GIMD1: variants seen among roughly 807,000 people sequenced by gnomAD.
GIMD1 encodes GIMAP family P-loop NTPase domain containing 1, also known as GTPase IMAP family member GIMD1.
In GIMD1, 14 loss-of-function variants were observed where a neutral mutation model predicts 14.9. The observed-to-expected ratio is 0.94, with a 90% CI of 0.62 to 1.47. GIMD1 has a LOEUF of 1.47. GIMD1 is among the 40% of genes most tolerant of loss of function. GIMD1 has a pLI of 0.00. For missense variants in GIMD1, 272 were observed against 255.3 expected (o/e 1.07, Z -0.44); for synonymous variants, 91 against 90.5 (o/e 1.01, Z -0.03).
chr4:106,358,957 C>A (rs1770575615), intron 2 of GIMD1, among the ~76,000 whole-genome samples: 1 of 151,914 alleles, frequency 6.6e-6, no homozygotes, highest in South Asian at 2.1e-4. Context: ...GATAAAAATA[C>A]ATTTGGTGAT....
intron 2 of GIMD1, among the ~76,000 whole-genome samples, chr4:106,363,565 T>A (rs1770646411): frequency 6.6e-6 from 1 of 152,144 alleles, no homozygotes; most frequent in Non-Finnish European, 1.5e-5. Context: ...CTGAGCATGA[T>A]GTATTTATTA....
At chr4:106,365,082 G>A (rs551739308) in intron 2 of GIMD1, among the ~76,000 whole-genome samples, 6 of 152,082 alleles carry the variant, frequency 3.9e-5, no homozygotes, top group Non-Finnish European at 8.8e-5. Context: ...TCATCTAAAT[G>A]TTTACTTAAT....
chr4:106,365,546 C>T (rs1770684999), intron 2 of GIMD1, among the ~76,000 whole-genome samples: 1 of 152,038 alleles, frequency 6.6e-6, no homozygotes, highest in Admixed American at 6.6e-5. Flanking sequence ...TCAGTATGAG[C>T]TGAGACTGAA....
At position 106,358,048 on chromosome 4, in the gene GIMD1, A is replaced by G. The variant is rs1770557847; in HGVS notation, c.*135T>C. 2 of 576,836 alleles carry G rather than the reference A, an allele frequency of 3.5e-6. No homozygotes were observed. Among genetic ancestry groups the G allele is most frequent in the Admixed American group, 7.4e-5 (2 of 27,174 alleles). The allele number at this position is 576,836 out of a possible 1,614,324, so 35.7% of individuals were successfully genotyped here. A position where few individuals can be genotyped will look rare whatever the true frequency, so the allele number is the denominator to read the frequency against. On this transcript the variant is annotated 3_prime_UTR_variant, in exon 3 of 3. Transcript: ENST00000638719. ...TTCTTTTTAACTTCTAGTTTTCCAA[A>G]GTGGTTATACCAATGTACACTCTCA... is the stretch of plus-strand genomic sequence containing the variant.
chr4:106,360,453 T>C (rs954837797), intron 2 of GIMD1, among the ~76,000 whole-genome samples: 1 of 152,064 alleles, frequency 6.6e-6, no homozygotes, highest in Non-Finnish European at 1.5e-5. Context: ...ATAGCAAAAT[T>C]AGCAGACCTC....
intron 1 of GIMD1, among the ~76,000 whole-genome samples, chr4:106,367,878 G>T (rs1579659480): frequency 6.6e-6 from 1 of 152,100 alleles, no homozygotes. Context: ...AACAGTAGAA[G>T]AAACAACCCT....
At position 106,357,694 on chromosome 4, in the gene GIMD1, C is replaced by T. The variant is rs1770551100; in HGVS notation, c.*489G>A. 6.6e-6 allele frequency: 1 copy of T among 152,530 alleles called. No homozygotes were observed. Among genetic ancestry groups the T allele is most frequent in the African/African-American group, 2.4e-5 (1 of 41,418 alleles). The allele number at this position is 152,530 out of a possible 1,614,324, so 9.4% of individuals were successfully genotyped here. A position where few individuals can be genotyped will look rare whatever the true frequency, so the allele number is the denominator to read the frequency against. ...TTTTTGAACTTTCTGCACATGGAATCATGGAGTATGTACTCTTTTATGTCT... is the reference window on the plus strand; with the variant it reads ...TTTTTGAACTTTCTGCACATGGAATTATGGAGTATGTACTCTTTTATGTCT... On this transcript the variant is annotated 3_prime_UTR_variant, in exon 3 of 3. Transcript: ENST00000638719.
At chr4:106,364,570 TTAAGTGAC>T (rs770080682) in intron 2 of GIMD1, among the ~76,000 whole-genome samples, 1 of 152,162 alleles carries the variant, frequency 6.6e-6, no homozygotes, top group Non-Finnish European at 1.5e-5. Context: ...CAGCCTGTGC[TTAAGTGAC>T]CATCAACCAA....
chr4:106,362,586 G>C (rs144692195), intron 2 of GIMD1, among the ~76,000 whole-genome samples: 45 of 151,944 alleles, frequency 3.0e-4, no homozygotes, highest in African/African-American at 1.1e-3. Flanking sequence ...ATTTTCCCAG[G>C]ACCTCACCAG....
chr4:106,360,477 G>A (rs1770596170), intron 2 of GIMD1, among the ~76,000 whole-genome samples: 1 of 151,986 alleles, frequency 6.6e-6, no homozygotes, highest in Admixed American at 6.6e-5. Context: ...AGAGTTTGTT[G>A]TATATTCTGT....
In GIMD1 at chr4:106,358,404, G is replaced by T. The variant is rs1770566105; in HGVS notation, c.433C>A (p.Leu145Ile). Reference sequence around the variant, plus strand: ...TCTATTTTTTCTGCATGGGTAAAAAGAATGGCTGTGTAATTCATCCAAGCA... The same window carrying T: ...TCTATTTTTTCTGCATGGGTAAAAATAATGGCTGTGTAATTCATCCAAGCA... The part of the protein sequence containing the change: ...GHAWMNYTAI[L>I]FTHAEKIEEA... The change falls in exon 3 of 3, where the codon CTT becomes ATT. Residue 145 changes from leucine (L) to isoleucine (I), a missense_variant. Transcript: ENST00000638719. 6.6e-7 allele frequency: 1 copy of T among 1,525,438 alleles called. No individual in the cohort carries two copies. The highest frequency in any genetic ancestry group is 2.5e-5 in the East Asian group (1 of 40,796). The allele number at this position is 1,525,438 out of a possible 1,614,324, so 94.5% of individuals were successfully genotyped here.
chr4:106,367,548 C>T, intron 1 of GIMD1, 111 bp from the exon 2 acceptor site: 1 of 1,057,380 alleles, frequency 9.5e-7, no homozygotes, highest in South Asian at 1.7e-5. Flanking sequence ...ATTTGTTTTC[C>T]CTTCATTCGT....
Position 106,367,333 on chromosome 4 carries a change from G to C in GIMD1, c.103C>G (p.His35Asp). The C allele has an allele frequency of 6.5e-7, 1 of 1,536,018 alleles. No individual in the cohort carries two copies. Among genetic ancestry groups the C allele is most frequent in the Non-Finnish European group, 8.7e-7 (1 of 1,146,858 alleles). The change falls in exon 2 of 3, where the codon CAC becomes GAC. Residue 35 changes from histidine to aspartate, a missense_variant. By Grantham distance (81) the His-to-Asp change is moderately conservative. Coordinates refer to ENST00000638719, the MANE Select transcript of GIMD1 (RefSeq NM_001195138.2). ...ACAGAACAGGGAGCAAAGCTGCTGT[G>C]AAAGTCTGTGCTTCCCAGCAGAATG... ...GNILLGSTDF[H>D]SSFAPCSVTT...
Position 106,357,712 on chromosome 4 carries a change from T to A in GIMD1, c.*471A>T, listed in dbSNP as rs1561038993. The A allele has an allele frequency of 6.5e-6, 1 of 153,826 alleles. No homozygotes were observed. The highest frequency in any genetic ancestry group is 1.4e-5 in the Non-Finnish European group (1 of 69,152). The allele number at this position is 153,826 out of a possible 1,614,324, so 9.5% of individuals were successfully genotyped here. On this transcript the variant is annotated 3_prime_UTR_variant, in exon 3 of 3. Coordinates refer to ENST00000638719, the MANE Select transcript of GIMD1 (RefSeq NM_001195138.2). ...ATGGAATCATGGAGTATGTACTCTT[T>A]TATGTCTGGCTTATTTTTCAACATT...
intron 1 of GIMD1, 106 bp from the exon 2 acceptor site, chr4:106,367,543 T>A: frequency 1.8e-6 from 2 of 1,109,186 alleles, no homozygotes; most frequent in Non-Finnish European, 2.5e-6. Flanking sequence ...TTTAGATTTG[T>A]TTTCCCTTCA....
Position 106,358,146 on chromosome 4 carries a change from C to A in GIMD1, c.*37G>T. On this transcript the variant is annotated 3_prime_UTR_variant, in exon 3 of 3. Transcript: ENST00000638719. ...GCATTCTTTGTAGCTAGGTTTCTGACTCCAATACCCAATGCTCCTTTCCTT... is the reference window on the plus strand; with the variant it reads ...GCATTCTTTGTAGCTAGGTTTCTGAATCCAATACCCAATGCTCCTTTCCTT... The A allele has an allele frequency of 1.4e-6, 2 of 1,387,168 alleles. No individual in the cohort carries two copies. Among genetic ancestry groups the A allele is most frequent in the South Asian group, 1.5e-5 (1 of 65,232 alleles). 85.9% of individuals were successfully genotyped at this position (1,387,168 alleles called of 1,614,324 possible). A position where few individuals can be genotyped will look rare whatever the true frequency, so the allele number is the denominator to read the frequency against.
chr4:106,367,231 G>T lies in GIMD1; in HGVS notation c.205C>A (p.Gln69Lys), dbSNP rs1430546346. ...MRRGGLEVAL[Q>K]VQVLDTPGYP... Reference sequence around the variant, plus strand: ...CCTGGAGTGTCCAACACCTGGACCTGCAGGGCTACCTCTAGCCCACCTCGA... The same window carrying T: ...CCTGGAGTGTCCAACACCTGGACCTTCAGGGCTACCTCTAGCCCACCTCGA... Residue 69 changes from glutamine to lysine, a missense_variant, in exon 2 of 3, where the codon CAG (glutamine) becomes AAG (lysine). Coordinates refer to ENST00000638719, the MANE Select transcript of GIMD1 (RefSeq NM_001195138.2). The T allele has an allele frequency of 3.9e-6, 6 of 1,535,714 alleles. No individual in the cohort carries two copies. In the African/African-American group the frequency reaches 6.8e-5, roughly 18 times the overall value.
At chr4:106,358,522 T>A in intron 2 of GIMD1, 79 bp from the exon 3 acceptor site, 1 of 1,053,118 alleles carries the variant, frequency 9.5e-7, no homozygotes, top group Non-Finnish European at 1.3e-6. Context: ...TACGGTCCAA[T>A]ATAGATAGCC....
Position 106,367,254 on chromosome 4 carries a change from C to T in GIMD1, c.182G>A (p.Arg61Gln), listed in dbSNP as rs912283716. The change falls in exon 2 of 3, where the codon CGA (arginine) becomes CAA (glutamine). Residue 61 changes from arginine to glutamine, a missense_variant. By Grantham distance (43) the Arg-to-Gln change is conservative. Coordinates refer to ENST00000638719, the MANE Select transcript of GIMD1 (RefSeq NM_001195138.2). ...RSCHLHSFMR[R>Q]GGLEVALQVQ... ...CTGCAGGGCTACCTCTAGCCCACCT[C>T]GACGCATGAAGCTGTGGAGGTGACA... 9.8e-6 allele frequency: 15 copies of T among 1,535,908 alleles called. No individual in the cohort carries two copies. The highest frequency in any genetic ancestry group is 8.2e-5 in the African/African-American group (6 of 73,112).
Sources: allele counts gnomAD v4.1 joint callset (sites outside exome capture counted in the v4.1 genomes callset), GRCh38; gene constraint gnomAD v4.1.1; transcripts MANE v1.5; gene names NCBI Gene and HGNC (gene_info 2026-07-23, HGNC 2026-07-21).